Variants in PRTG observed in about 807,000 individuals in gnomAD.
PRTG encodes the protein immunoglobulin superfamily, DCC subclass, member 5.
A neutral mutation model predicts 122.5 loss-of-function variants in PRTG; 67 were observed. The ratio of observed to expected loss-of-function variants is 0.55; its 90% CI spans 0.45 to 0.67. PRTG has a LOEUF of 0.67. Among genes scored for constraint, PRTG ranks in the 30% least tolerant of loss-of-function variants. PRTG has a pLI of 0.00. For missense variants in PRTG, 1,435 were observed against 1,415.4 expected, an observed-to-expected ratio of 1.01 and a Z score of -0.22; for synonymous variants, 554 against 501.1, an observed-to-expected ratio of 1.11 and a Z score of -1.41.
intron 11 of PRTG, among the ~76,000 whole-genome samples, chr15:55,667,080 G>A (rs1014307230): frequency 7.4e-4 from 112 of 152,126 alleles, no homozygotes; most frequent in African/African-American, 2.5e-3. Flanking sequence ...TCCCAGAAGT[G>A]TTGAGACTTA....
At chr15:55,631,628 C>T (rs2059228082) in intron 15 of PRTG, among the ~76,000 whole-genome samples, 1 of 152,142 alleles carries the variant, frequency 6.6e-6, no homozygotes, top group Admixed American at 6.5e-5. Flanking sequence ...CGTCTCCTGC[C>T]TTTTATATGT....
At chr15:55,701,817 T>C (rs1436127024) in intron 2 of PRTG, among the ~76,000 whole-genome samples, 1 of 152,204 alleles carries the variant, frequency 6.6e-6, no homozygotes, top group Non-Finnish European at 1.5e-5. Flanking sequence ...AAATCTCAAA[T>C]GCATTATGCT....
chr15:55,714,834 A>T (rs1478694624), intron 2 of PRTG, among the ~76,000 whole-genome samples: 2 of 152,202 alleles, frequency 1.3e-5, no homozygotes, highest in Non-Finnish European at 2.9e-5. Flanking sequence ...AAAATTTGAG[A>T]ACAATCCTTA....
chr15:55,738,998 A>T lies in PRTG; in HGVS notation c.397+1384T>A, dbSNP rs536214661. 2.0e-5 allele frequency among the ~76,000 whole-genome samples: 3 copies of T among 152,124 alleles called. 1 individual carries two copies. Among genetic ancestry groups the T allele is most frequent in the African/African-American group, 7.2e-5 (3 of 41,428 alleles). On this transcript the variant is annotated intron_variant, in intron 2 of 19. Coordinates refer to ENST00000389286, the MANE Select transcript of PRTG (RefSeq NM_173814.6). ...GAAATGAAAAATCAGAAATCCTCTCAGGTTTATGCTGGTCTTTGGCAGGGG... is the reference window on the plus strand; with the variant it reads ...GAAATGAAAAATCAGAAATCCTCTCTGGTTTATGCTGGTCTTTGGCAGGGG...
intron 11 of PRTG, among the ~76,000 whole-genome samples, chr15:55,653,144 T>C (rs2059361966): frequency 6.6e-6 from 1 of 152,186 alleles, no homozygotes; most frequent in Admixed American, 6.5e-5. Flanking sequence ...TGTATGATAA[T>C]ATATAGAAGA....
At chr15:55,742,614 G>A (rs2031648559) in intron 1 of PRTG, 1 of 521,872 alleles carries the variant, frequency 1.9e-6, no homozygotes, top group South Asian at 2.7e-5. Flanking sequence ...GCCCGGAGAA[G>A]CTCCCGCAGC....
intron 8 of PRTG, among the ~76,000 whole-genome samples, chr15:55,677,482 A>AAG (rs1254207127): frequency 6.6e-6 from 1 of 152,194 alleles, no homozygotes; most frequent in Non-Finnish European, 1.5e-5. Flanking sequence ...AGTCTCAGTT[A>AAG]AGGAATTTAT....
chr15:55,735,776 C>G (rs541896434), intron 2 of PRTG, among the ~76,000 whole-genome samples: 44 of 138,092 alleles, frequency 3.2e-4, no homozygotes, highest in Admixed American at 2.9e-3. Context: ...GATAATGTTA[C>G]AGGTTGCTGA....
intron 1 of PRTG, 143 bp from the exon 2 acceptor site, chr15:55,740,827 T>A: frequency 1.5e-6 from 1 of 689,164 alleles, no homozygotes; most frequent in Non-Finnish European, 2.3e-6. Context: ...AACACCTTAA[T>A]GAACCAATCT....
chr15:55,732,833 T>G (rs2031283037), intron 2 of PRTG, among the ~76,000 whole-genome samples: 1 of 152,038 alleles, frequency 6.6e-6, no homozygotes, highest in Non-Finnish European at 1.5e-5. Context: ...ATTATGTGTG[T>G]GAAAAAGGGA....
At chr15:55,740,781 T>C (rs2031584866) in intron 1 of PRTG, 97 bp from the exon 2 acceptor site, 12 of 1,003,896 alleles carry the variant, frequency 1.2e-5, no homozygotes, top group Non-Finnish European at 1.4e-5. Flanking sequence ...GGGTATGAGA[T>C]GACGAAGTTT....
At chr15:55,636,565 C>CA (rs2059258821) in intron 15 of PRTG, among the ~76,000 whole-genome samples, 1 of 152,132 alleles carries the variant, frequency 6.6e-6, no homozygotes, top group African/African-American at 2.4e-5. Context: ...CCAGGACTAT[C>CA]ACCTCTTTCC....
chr15:55,677,665 A>C, intron 8 of PRTG, 132 bp downstream of exon 8: 2 of 745,314 alleles, frequency 2.7e-6, no homozygotes, highest in East Asian at 2.7e-5. Flanking sequence ...GTGATAGATT[A>C]TTTTATCAAA....
intron 11 of PRTG, among the ~76,000 whole-genome samples, chr15:55,642,365 C>CTT: frequency 6.6e-6 from 1 of 151,794 alleles, no homozygotes; most frequent in Non-Finnish European, 1.5e-5. Context: ...GCCTGCAATC[C>CTT]CAGCACTTTG....
intron 18 of PRTG, 85 bp from the exon 19 acceptor site, chr15:55,620,852 A>C: frequency 9.0e-7 from 1 of 1,115,056 alleles, no homozygotes; most frequent in Non-Finnish European, 1.3e-6. Context: ...TTTAACTTTT[A>C]CTATATGCTT....
intron 11 of PRTG, among the ~76,000 whole-genome samples, chr15:55,664,551 T>A (rs185282897): frequency 1.3e-5 from 2 of 152,340 alleles, no homozygotes; most frequent in East Asian, 3.9e-4. Context: ...GTCATACATA[T>A]GTACGTAAAG....
At chr15:55,728,787 GGA>G (rs1368867443) in intron 2 of PRTG, among the ~76,000 whole-genome samples, 2 of 152,026 alleles carry the variant, frequency 1.3e-5, no homozygotes, top group Non-Finnish European at 2.9e-5. Flanking sequence ...CATCCAAATT[GGA>G]GAGAGAGAAA....
At chr15:55,708,075 G>A (rs2030207259) in intron 2 of PRTG, among the ~76,000 whole-genome samples, 1 of 137,860 alleles carries the variant, frequency 7.3e-6, no homozygotes, top group South Asian at 2.3e-4. Flanking sequence ...TTTGAAGTCT[G>A]ATTTCCCACA....
At chr15:55,675,430 G>T in intron 9 of PRTG, 89 bp downstream of exon 9, 2 of 953,766 alleles carry the variant, frequency 2.1e-6, no homozygotes, top group Non-Finnish European at 3.0e-6. Flanking sequence ...CCAAAAAGAG[G>T]ATATTTTCTT....
Sources: gnomAD v4.1 joint callset for allele counts (sites outside exome capture counted in the v4.1 genomes callset) on GRCh38, gnomAD v4.1.1 for gene constraint, MANE v1.5 for transcripts, NCBI Gene and HGNC (gene_info 2026-07-23, HGNC 2026-07-21) for gene names.